Variants in AMPH observed in about 807,000 individuals in gnomAD.
The protein encoded by AMPH is amphiphysin (Stiff-Mann syndrome with breast cancer 128kD autoantigen).
Under a neutral mutation model 99.1 loss-of-function variants are expected in AMPH, and 49 were observed. That is an observed-to-expected ratio of 0.49 (90% CI 0.39 to 0.63). AMPH has a LOEUF of 0.63. Among genes scored for constraint, AMPH ranks in the 20% least tolerant of loss-of-function variants. The pLI is 0.00. For missense variants in AMPH, 759 were observed against 863.4 expected, an observed-to-expected ratio of 0.88 and a Z score of 1.52; for synonymous variants, 314 against 317.3, an observed-to-expected ratio of 0.99 and a Z score of 0.11.
Position 38,567,360 on chromosome 7 carries a change from C to T in AMPH, c.70-32349G>A, listed in dbSNP as rs540102185. ...ACAATGAGAACACATGGACACAGGGCGGGAACATCACACAGCAGGGCCTGT... is the reference window on the plus strand; with the variant it reads ...ACAATGAGAACACATGGACACAGGGTGGGAACATCACACAGCAGGGCCTGT... On this transcript the variant is annotated intron_variant, in intron 1 of 20. Coordinates refer to ENST00000356264, the MANE Select transcript of AMPH (RefSeq NM_001635.4). Among the ~76,000 whole-genome samples, 162 of 152,002 alleles carry T rather than the reference C, an allele frequency of 1.1e-3. 1 individual carries two copies. The highest frequency in any genetic ancestry group is 6.8e-3 in the Middle Eastern group (2 of 294).
At chr7:38,400,012 A>G (rs1330429381) in intron 17 of AMPH, among the ~76,000 whole-genome samples, 2 of 152,194 alleles carry the variant, frequency 1.3e-5, no homozygotes, top group Non-Finnish European at 2.9e-5. Flanking sequence ...GACCAGCACA[A>G]AACCTTCTGG....
intron 1 of AMPH, among the ~76,000 whole-genome samples, chr7:38,541,766 G>T (rs1002251931): frequency 3.3e-5 from 5 of 152,212 alleles, no homozygotes; most frequent in African/African-American, 1.2e-4. Flanking sequence ...TCATACATGA[G>T]TAGGTTTATC....
chr7:38,487,176 A>C (rs1788532348), intron 5 of AMPH, among the ~76,000 whole-genome samples: 1 of 152,142 alleles, frequency 6.6e-6, no homozygotes, highest in Admixed American at 6.5e-5. Flanking sequence ...CTACAAAAAA[A>C]CTGCCAGAAC....
intron 7 of AMPH, among the ~76,000 whole-genome samples, chr7:38,468,214 A>G (rs1787739970): frequency 6.6e-6 from 1 of 152,258 alleles, no homozygotes; most frequent in South Asian, 2.1e-4. Context: ...GCCAAAAGTT[A>G]GCATCTCACT....
intron 11 of AMPH, among the ~76,000 whole-genome samples, chr7:38,448,864 G>A (rs1786894758): frequency 6.6e-6 from 1 of 152,130 alleles, no homozygotes; most frequent in Non-Finnish European, 1.5e-5. Context: ...CTAGGAAATT[G>A]TTTTCCTACT....
At chr7:38,451,379 C>A (rs1439949827) in intron 11 of AMPH, among the ~76,000 whole-genome samples, 2 of 150,074 alleles carry the variant, frequency 1.3e-5, no homozygotes, top group Non-Finnish European at 3.0e-5. Flanking sequence ...TGTGTATATA[C>A]ACATGTATAT....
At chr7:38,465,756 A>G (rs1787628214) in intron 8 of AMPH, among the ~76,000 whole-genome samples, 1 of 152,196 alleles carries the variant, frequency 6.6e-6, no homozygotes, top group Non-Finnish European at 1.5e-5. Flanking sequence ...TAAACTAAAT[A>G]TATATGTATA....
chr7:38,543,101 A>C (rs1790868371), intron 1 of AMPH, among the ~76,000 whole-genome samples: 1 of 150,520 alleles, frequency 6.6e-6, no homozygotes, highest in Admixed American at 6.6e-5. Flanking sequence ...CCCACAAAAA[A>C]AAAAAAATAG....
chr7:38,481,562 G>A (rs529877204), intron 5 of AMPH, among the ~76,000 whole-genome samples: 122 of 152,102 alleles, frequency 8.0e-4, no homozygotes, highest in Non-Finnish European at 1.5e-3. Flanking sequence ...GCCTGCCTGG[G>A]TTGGTGACAA....
intron 2 of AMPH, among the ~76,000 whole-genome samples, chr7:38,510,297 G>T (rs935619646): frequency 3.1e-4 from 47 of 152,190 alleles, no homozygotes; most frequent in African/African-American, 1.1e-3. Context: ...AGTCCTGCTG[G>T]ATTAAGGCTC....
At chr7:38,598,827 A>G (rs1362214572) in intron 1 of AMPH, among the ~76,000 whole-genome samples, 2 of 147,076 alleles carry the variant, frequency 1.4e-5, no homozygotes, top group African/African-American at 4.9e-5. Flanking sequence ...TCATTCCTTG[A>G]TTTCTGCTTG....
intron 1 of AMPH, among the ~76,000 whole-genome samples, chr7:38,542,790 T>C (rs1790854699): frequency 6.6e-6 from 1 of 151,888 alleles, no homozygotes; most frequent in Middle Eastern, 3.2e-3. Flanking sequence ...ACCTCATCTC[T>C]ACAAAAATTA....
chr7:38,437,785 T>C (rs10243231), intron 11 of AMPH, among the ~76,000 whole-genome samples: 93,529 of 151,418 alleles, frequency 0.62, 29,731 homozygotes, highest in East Asian at 0.87. Context: ...GCCTGGGTGA[T>C]GGACCAAGGC....
rs1371366841 is a variant in AMPH, at chr7:38,631,368, A to T, written c.-17T>A. 3 of 1,529,470 alleles carry T rather than the reference A, an allele frequency of 2.0e-6. No individual in the cohort carries two copies. The African/African-American group carries it at 4.3e-5, about 22-fold the overall frequency. The allele number at this position is 1,529,470 out of a possible 1,614,324, so 94.7% of individuals were successfully genotyped here. A position where few individuals can be genotyped will look rare whatever the true frequency, so the allele number is the denominator to read the frequency against. On this transcript the variant is annotated 5_prime_UTR_variant, in exon 1 of 21. Coordinates refer to ENST00000356264, the MANE Select transcript of AMPH (RefSeq NM_001635.4). ...GTCGGCCATGGCTGCGGGTCCGGGG[A>T]GCTGCGAAGAGCAGAGCGCGCAGCG...
intron 11 of AMPH, among the ~76,000 whole-genome samples, chr7:38,453,481 T>G (rs995768469): frequency 6.6e-6 from 1 of 152,198 alleles, no homozygotes; most frequent in Non-Finnish European, 1.5e-5. Flanking sequence ...CCCATCACTC[T>G]CACTCAACAG....
intron 9 of AMPH, 67 bp from the exon 10 acceptor site, chr7:38,463,180 T>G: frequency 9.3e-6 from 15 of 1,607,548 alleles, no homozygotes; most frequent in Non-Finnish European, 1.3e-5. Flanking sequence ...TCAGGGGTTT[T>G]CCATTTCAGA....
intron 1 of AMPH, among the ~76,000 whole-genome samples, chr7:38,571,297 A>G (rs1398261101): frequency 2.4e-5 from 1 of 41,558 alleles, no homozygotes; most frequent in Admixed American, 4.2e-4. Flanking sequence ...ATATTTATAT[A>G]TGAATATATA....
At chr7:38,612,842 T>C (rs973214700) in intron 1 of AMPH, among the ~76,000 whole-genome samples, 8 of 152,220 alleles carry the variant, frequency 5.3e-5, no homozygotes, top group Admixed American at 2.6e-4. Flanking sequence ...TTGGTTCAAA[T>C]AGATATGTGG....
chr7:38,451,359 C>CGTATATATATGTGTATATACACAT (rs1787017648), intron 11 of AMPH, among the ~76,000 whole-genome samples: 1 of 147,962 alleles, frequency 6.8e-6, no homozygotes, highest in Non-Finnish European at 1.5e-5. Flanking sequence ...GTTATATACA[C>CGTATATATATGTGTATATACACAT]GTATATATAT....
Sources: gnomAD v4.1 joint callset for allele counts (sites outside exome capture counted in the v4.1 genomes callset) on GRCh38, gnomAD v4.1.1 for gene constraint, MANE v1.5 for transcripts, NCBI Gene and HGNC (gene_info 2026-07-23, HGNC 2026-07-21) for gene names.